The following SEMA5B variants were observed in gnomAD, a reference collection of about 807,000 sequenced individuals.
SEMA5B encodes semaphorin-5B.
Under a neutral mutation model 135.0 loss-of-function variants are expected in SEMA5B, and 66 were observed. That is an observed-to-expected ratio of 0.49 (90% CI 0.40 to 0.60). The LOEUF is 0.60. Ranked by LOEUF, SEMA5B falls within the 20% of genes least tolerant of loss-of-function variation. SEMA5B has a pLI of 0.00. For missense variants in SEMA5B, 1,501 were observed against 1,566.3 expected (o/e 0.96, Z 0.70); for synonymous variants, 690 against 639.5 (o/e 1.08, Z -1.19).
chr3:123,009,836 G>A (rs543444960), intron 1 of SEMA5B, among the ~76,000 whole-genome samples: 10 of 152,162 alleles, frequency 6.6e-5, no homozygotes, highest in African/African-American at 1.7e-4. Flanking sequence ...ACAATAACTC[G>A]ACACACATTT....
At chr3:123,006,998 C>T (rs1040843534) in intron 1 of SEMA5B, among the ~76,000 whole-genome samples, 2 of 152,152 alleles carry the variant, frequency 1.3e-5, no homozygotes, top group Non-Finnish European at 2.9e-5. Context: ...AAATATAAAG[C>T]AGAACTTCCC....
chr3:122,955,338 T>A (rs1006261287), intron 2 of SEMA5B, among the ~76,000 whole-genome samples: 1 of 152,238 alleles, frequency 6.6e-6, no homozygotes, highest in Non-Finnish European at 1.5e-5. Flanking sequence ...AAGTTATTTT[T>A]ATCTAACAGG....
At chr3:123,004,432 T>C (rs2107770050) in intron 1 of SEMA5B, among the ~76,000 whole-genome samples, 1 of 152,364 alleles carries the variant, frequency 6.6e-6, no homozygotes, top group Non-Finnish European at 1.5e-5. Flanking sequence ...AGTCCATTAA[T>C]TAAGGTTTCT....
intron 1 of SEMA5B, among the ~76,000 whole-genome samples, chr3:122,976,372 G>C (rs1190053122): frequency 6.6e-6 from 1 of 152,006 alleles, no homozygotes; most frequent in Non-Finnish European, 1.5e-5. Flanking sequence ...CTGATGTAAG[G>C]TACCTGTACC....
Position 122,922,441 on chromosome 3 carries a change from T to C in SEMA5B, c.1279A>G (p.Thr427Ala). The C allele has an allele frequency of 6.3e-7, 1 of 1,597,606 alleles. No homozygotes were observed. The highest frequency in any genetic ancestry group is 8.5e-7 in the Non-Finnish European group (1 of 1,173,052). The change falls in exon 11 of 23, where the codon ACC becomes GCC. Residue 427 changes from threonine to alanine, a missense_variant. This residue lies in a region of SEMA5B where 574 missense variants were observed against 684.7 expected (regional missense o/e 0.84). Coordinates refer to ENST00000357599, the MANE Select transcript of SEMA5B (RefSeq NM_001031702.4). Reference protein sequence around the residue: ...ANPIPNFQCGTLPETGPNENL... With the variant: ...ANPIPNFQCGALPETGPNENL... Reference sequence around the variant, plus strand: ...TCGTTGGGACCGGTCTCAGGCAGGGTGCCACACTGCCGCGGGGAGCCAGGT... The same window carrying C: ...TCGTTGGGACCGGTCTCAGGCAGGGCGCCACACTGCCGCGGGGAGCCAGGT...
intron 1 of SEMA5B, among the ~76,000 whole-genome samples, chr3:122,971,923 G>A (rs1941139858): frequency 6.6e-6 from 1 of 152,200 alleles, no homozygotes; most frequent in African/African-American, 2.4e-5. Flanking sequence ...AATAATGATA[G>A]CAACAACAAC....
intron 4 of SEMA5B, among the ~76,000 whole-genome samples, 165 bp downstream of exon 4, chr3:122,943,270 CA>C (rs1939643161): frequency 6.6e-6 from 1 of 152,186 alleles, no homozygotes; most frequent in Admixed American, 6.5e-5. Context: ...CCAGCCGAAA[CA>C]CGCTTCCTCC....
In SEMA5B at chr3:122,913,056, C is replaced by T. The variant is rs1368758649; in HGVS notation, c.2512G>A (p.Val838Met). 6.6e-7 allele frequency: 1 copy of T among 1,515,566 alleles called. No individual in the cohort carries two copies. Among genetic ancestry groups the T allele is most frequent in the Non-Finnish European group, 8.8e-7 (1 of 1,133,454 alleles). The allele number at this position is 1,515,566 out of a possible 1,614,324, so 93.9% of individuals were successfully genotyped here. A position where few individuals can be genotyped will look rare whatever the true frequency, so the allele number is the denominator to read the frequency against. The change falls in exon 18 of 23, where the codon GTG becomes ATG. Residue 838 changes from valine (V) to methionine (M), a missense_variant. Transcript: ENST00000357599. ...GSGSCDTDAL[V>M]EVLLRSGSTS... Reference sequence around the variant, plus strand: ...CTCCCGCTGCGCAGGAGGACCTCCACCAGGGCTGCGGAGGGGCTAGGCCTC... The same window carrying T: ...CTCCCGCTGCGCAGGAGGACCTCCATCAGGGCTGCGGAGGGGCTAGGCCTC...
intron 1 of SEMA5B, among the ~76,000 whole-genome samples, chr3:122,989,118 T>C (rs1477485845): frequency 6.6e-6 from 1 of 152,234 alleles, no homozygotes. Flanking sequence ...TCTTTTTGCA[T>C]CTAACCAGCA....
chr3:122,965,822 A>G (rs893055169), intron 1 of SEMA5B, among the ~76,000 whole-genome samples: 5 of 152,228 alleles, frequency 3.3e-5, no homozygotes, highest in African/African-American at 9.6e-5. Context: ...GCGCCTCCCA[A>G]TCTGGATGGC....
intron 9 of SEMA5B, among the ~76,000 whole-genome samples, chr3:122,924,011 G>A (rs112677127): frequency 4.2e-4 from 64 of 152,072 alleles, no homozygotes; most frequent in African/African-American, 1.4e-3. Flanking sequence ...ATTCGGGGGC[G>A]CTGAAATACA....
At chr3:122,913,129 G>T (rs1455868684) in intron 17 of SEMA5B, 68 bp from the exon 18 acceptor site, 1 of 1,424,596 alleles carries the variant, frequency 7.0e-7, no homozygotes. Context: ...GCCTCCCCGG[G>T]GCTCCCGCCC....
chr3:122,998,338 G>A (rs537659591), intron 1 of SEMA5B, among the ~76,000 whole-genome samples: 2 of 151,256 alleles, frequency 1.3e-5, no homozygotes, highest in Non-Finnish European at 2.9e-5. Context: ...CGGAAAGGAC[G>A]GGGCTTTGGG....
intron 1 of SEMA5B, among the ~76,000 whole-genome samples, chr3:122,991,561 A>G (rs1232048856): frequency 6.6e-6 from 1 of 152,186 alleles, no homozygotes. Context: ...AGAATTATCC[A>G]TCTCCAATTT....
intron 1 of SEMA5B, among the ~76,000 whole-genome samples, chr3:122,999,798 G>A (rs1032450663): frequency 1.3e-5 from 2 of 151,258 alleles, no homozygotes; most frequent in African/African-American, 4.9e-5. Context: ...CTGGAGTGGG[G>A]CCTAAGAATC....
Position 122,927,958 on chromosome 3 carries a change from G to A in SEMA5B, c.682C>T (p.Arg228Cys), listed in dbSNP as rs1190711311. 2 of 1,562,340 alleles carry A rather than the reference G, an allele frequency of 1.3e-6. No homozygotes were observed. Among genetic ancestry groups the A allele is most frequent in the Non-Finnish European group, 1.7e-6 (2 of 1,152,940 alleles). Residue 228 changes from arginine to cysteine, a missense_variant, in exon 8 of 23, where the codon CGC becomes TGC. Around this residue, in one of 2 missense-constraint regions of SEMA5B, gnomAD observed 574 missense variants for 684.7 expected, o/e 0.84. Coordinates refer to ENST00000357599, the MANE Select transcript of SEMA5B (RefSeq NM_001031702.4). ...RTIEKINGVA[R>C]CPYDPRHNST... Reference sequence around the variant, plus strand: ...TTGTGGCGTGGGTCATAGGGGCAGCGGGCCACACCATTGATCTTCTCAATA... The same window carrying A: ...TTGTGGCGTGGGTCATAGGGGCAGCAGGCCACACCATTGATCTTCTCAATA...
Position 122,948,674 on chromosome 3 carries a change from C to G in SEMA5B, c.160G>C (p.Ala54Pro). The G allele has an allele frequency of 1.2e-6, 2 of 1,611,254 alleles. No homozygotes were observed. Among genetic ancestry groups the G allele is most frequent in the Non-Finnish European group, 1.7e-6 (2 of 1,178,104 alleles). Residue 54 changes from alanine (A) to proline (P), a missense_variant, in exon 3 of 23, where the codon GCA becomes CCA. Ala to Pro is a conservative substitution (Grantham distance 27, BLOSUM62 -1). Transcript: ENST00000357599. ...GCAAGCACCATGATAGGCCCCTCTG[C>G]AGTCCTAGCTCCGGGAGGCAGACAG... The part of the protein sequence containing the change: ...LPCLPPGART[A>P]EGPIMVLAGP...
Position 122,948,649 on chromosome 3 carries a change from G to A in SEMA5B, c.185C>T (p.Ala62Val), listed in dbSNP as rs1322290194. 5 of 1,613,752 alleles carry A rather than the reference G, an allele frequency of 3.1e-6. No homozygotes were observed. Among genetic ancestry groups the A allele is most frequent in the Non-Finnish European group, 4.2e-6 (5 of 1,179,848 alleles). ...CAACAGCGAGACAGCCAGGGGGCCT[G>A]CAAGCACCATGATAGGCCCCTCTGC... ...RTAEGPIMVLAGPLAVSLLLP... is the reference protein window; with the variant it reads ...RTAEGPIMVLVGPLAVSLLLP... The change falls in exon 3 of 23, where the codon GCA becomes GTA. Residue 62 changes from alanine to valine, a missense_variant. Transcript: ENST00000357599.
chr3:122,923,361 T>G (rs1938467758), intron 10 of SEMA5B, among the ~76,000 whole-genome samples: 1 of 152,228 alleles, frequency 6.6e-6, no homozygotes, highest in African/African-American at 2.4e-5. Flanking sequence ...CCCACTTCCC[T>G]GCCTCCCTGG....
Sources: allele counts gnomAD v4.1 joint callset (sites outside exome capture counted in the v4.1 genomes callset), GRCh38; gene constraint gnomAD v4.1.1; regional missense constraint gnomAD v4.1.1; transcripts MANE v1.5; gene names NCBI Gene and HGNC (gene_info 2026-07-23, HGNC 2026-07-21).